Variants in SDK1 observed in about 807,000 individuals in gnomAD.
SDK1 encodes sidekick cell adhesion molecule 1.
SDK1 carries 157 observed loss-of-function variants against 245.5 expected under a neutral mutation model. The ratio of observed to expected loss-of-function variants is 0.64; its 90% CI spans 0.56 to 0.73. SDK1 has a LOEUF of 0.73. Among genes scored for constraint, SDK1 ranks in the 30% least tolerant of loss-of-function variants. The probability of loss-of-function intolerance (pLI) is 0.00; values close to 1 mark genes in which losing one functional copy is unlikely to be tolerated. For synonymous variants in SDK1, 1,647 were observed against 1,278.5 expected (o/e 1.29, Z -6.15); for missense variants, 3,583 against 3,002.3 (o/e 1.19, Z -4.52).
At chr7:3,977,489 A>C (rs1486813509) in intron 13 of SDK1, among the ~76,000 whole-genome samples, 1 of 152,238 alleles carries the variant, frequency 6.6e-6, no homozygotes, top group Non-Finnish European at 1.5e-5. Context: ...CCCTGCCTTC[A>C]GGCATTGGAG....
intron 4 of SDK1, among the ~76,000 whole-genome samples, chr7:3,795,252 G>A (rs1057297066): frequency 6.6e-6 from 1 of 152,120 alleles, no homozygotes; most frequent in East Asian, 1.9e-4. Context: ...ATGTGCTGTG[G>A]CTGTGATTTT....
intron 1 of SDK1, among the ~76,000 whole-genome samples, chr7:3,465,109 G>A (rs1022315418): frequency 5.9e-5 from 9 of 152,144 alleles, no homozygotes; most frequent in East Asian, 1.9e-4. Context: ...TGAGATTACC[G>A]TTAGGGAGCT....
chr7:3,393,127 C>T (rs545450372), intron 1 of SDK1, among the ~76,000 whole-genome samples: 24 of 151,884 alleles, frequency 1.6e-4, no homozygotes, highest in South Asian at 2.1e-4. Flanking sequence ...CCTGCCACCA[C>T]GCCTGGCTAA....
chr7:3,415,905 T>A (rs1406972375), intron 1 of SDK1, among the ~76,000 whole-genome samples: 1 of 152,114 alleles, frequency 6.6e-6, no homozygotes, highest in Non-Finnish European at 1.5e-5. Flanking sequence ...GACTAATGAA[T>A]AAGCCACTCT....
intron 35 of SDK1, 118 bp downstream of exon 35, chr7:4,178,704 T>C: frequency 4.2e-6 from 3 of 708,076 alleles, no homozygotes; most frequent in East Asian, 5.1e-5. Flanking sequence ...CTTGAACACA[T>C]TGCTGTCGGG....
chr7:3,958,285 C>G, intron 7 of SDK1: 1 of 283,660 alleles, frequency 3.5e-6, no homozygotes. Flanking sequence ...AAAAATGTTG[C>G]AATTGGCTCT....
Position 4,130,984 on chromosome 7 carries a change from CT to C in SDK1, c.4129+888del, listed in dbSNP as rs750878495. Among the ~76,000 whole-genome samples the C allele has an allele frequency of 9.9e-5, 15 of 152,168 alleles. No individual in the cohort carries two copies. In the East Asian group the frequency reaches 1.2e-3, roughly 12 times the overall value. On this transcript the variant is annotated intron_variant, in intron 27 of 44. Coordinates refer to ENST00000404826, the MANE Select transcript of SDK1 (RefSeq NM_152744.4). Reference sequence around the variant, plus strand: ...CCACGTTGCTGAGAGAGTGCCACCCCTGATCCTCGCCTCGCCTCACGGAGAG... The same window carrying C: ...CCACGTTGCTGAGAGAGTGCCACCCCGATCCTCGCCTCGCCTCACGGAGAG...
intron 1 of SDK1, among the ~76,000 whole-genome samples, chr7:3,618,857 T>C (rs1050996201): frequency 6.6e-6 from 1 of 152,220 alleles, no homozygotes; most frequent in Non-Finnish European, 1.5e-5. Flanking sequence ...GTCAGATGCT[T>C]TCAAATGCGG....
chr7:4,100,161 C>T (rs993965973), intron 22 of SDK1, among the ~76,000 whole-genome samples: 40 of 152,312 alleles, frequency 2.6e-4, no homozygotes, highest in Middle Eastern at 3.4e-3. Context: ...ACATGTGGCA[C>T]AGGGAGTGTC....
intron 1 of SDK1, among the ~76,000 whole-genome samples, chr7:3,509,365 G>A (rs1215578827): frequency 6.6e-6 from 1 of 152,088 alleles, no homozygotes; most frequent in Admixed American, 6.6e-5. Context: ...CTGCCAACAT[G>A]TGACCTCAGG....
chr7:3,520,382 A>G (rs1471044924), intron 1 of SDK1, among the ~76,000 whole-genome samples: 2 of 152,164 alleles, frequency 1.3e-5, no homozygotes, highest in Non-Finnish European at 2.9e-5. Context: ...TTGTATGGTT[A>G]TCTTGTTAGT....
At chr7:3,761,040 A>G (rs1026659697) in intron 4 of SDK1, among the ~76,000 whole-genome samples, 2 of 152,204 alleles carry the variant, frequency 1.3e-5, no homozygotes, top group African/African-American at 2.4e-5. Flanking sequence ...TTACATTTTC[A>G]ATTCACTTGA....
chr7:3,479,614 A>G (rs749471562), intron 1 of SDK1, among the ~76,000 whole-genome samples: 1 of 152,118 alleles, frequency 6.6e-6, no homozygotes, highest in Non-Finnish European at 1.5e-5. Context: ...CTGTAATCCC[A>G]GCACTTTGGG....
rs751244109 is a variant in SDK1 at position 3,821,583 on chromosome 7, A to G, written c.847A>G (p.Arg283Gly). ...TSPFIHLSIA[R>G]DVGTPETMAP... ...CCCATTCATTCATTTGAGCATAGCA[A>G]GTGAGTTTTGAAATCCCAAATGGTA... The change falls in exon 5 of 45, where the codon AGA becomes GGA. Residue 283 changes from arginine (R) to glycine (G), a missense_variant and splice_region_variant. Physicochemically the swap from Arg to Gly is moderately radical, Grantham distance 125. Coordinates refer to ENST00000404826, the MANE Select transcript of SDK1 (RefSeq NM_152744.4). 3.1e-6 allele frequency: 5 copies of G among 1,612,178 alleles called. No homozygotes were observed. The highest frequency in any genetic ancestry group is 1.3e-5 in the African/African-American group (1 of 74,852).
intron 19 of SDK1, among the ~76,000 whole-genome samples, chr7:4,064,550 A>G (rs1264853623): frequency 6.6e-6 from 1 of 152,206 alleles, no homozygotes; most frequent in Non-Finnish European, 1.5e-5. Context: ...TGAGCCAGCA[A>G]TCCCACTATT....
rs563101054 is a variant in SDK1 at position 3,757,316 on chromosome 7, A to G, written c.714-64134A>G. 2.0e-5 allele frequency among the ~76,000 whole-genome samples: 3 copies of G among 152,102 alleles called. No individual in the cohort carries two copies. The East Asian group carries it at 5.8e-4, about 30-fold the overall frequency. On this transcript the variant is annotated intron_variant, in intron 4 of 44. Transcript: ENST00000404826. ...TTTTGAGACAAGGTCTCTCTCTGTC[A>G]CTCAACTCCTGGTCTCAAGCGATCC... is the stretch of plus-strand genomic sequence containing the variant.
intron 29 of SDK1, among the ~76,000 whole-genome samples, chr7:4,148,371 G>T (rs1273691185): frequency 6.6e-6 from 1 of 152,188 alleles, no homozygotes; most frequent in Non-Finnish European, 1.5e-5. Context: ...GAAATCGATG[G>T]GGTGCAGAGG....
At chr7:3,629,338 C>G (rs1307993310) in intron 2 of SDK1, among the ~76,000 whole-genome samples, 1 of 151,178 alleles carries the variant, frequency 6.6e-6, no homozygotes, top group African/African-American at 2.4e-5. Flanking sequence ...AAGAAAAAAG[C>G]ACTACACAGA....
At chr7:3,394,835 A>G (rs1344205492) in intron 1 of SDK1, among the ~76,000 whole-genome samples, 1 of 152,070 alleles carries the variant, frequency 6.6e-6, no homozygotes, top group Non-Finnish European at 1.5e-5. Context: ...TGATTTTTAT[A>G]TATTGATCTT....
Sources: allele counts gnomAD v4.1 joint callset (sites outside exome capture counted in the v4.1 genomes callset), GRCh38; gene constraint gnomAD v4.1.1; transcripts MANE v1.5; gene names NCBI Gene and HGNC (gene_info 2026-07-23, HGNC 2026-07-21).